The following MYH8 variants were observed in gnomAD, a reference collection of about 807,000 sequenced individuals.
The protein encoded by MYH8 is myosin-8.
Under a neutral mutation model 233.2 loss-of-function variants are expected in MYH8, and 168 were observed. The observed-to-expected ratio is 0.72, with a 90% CI of 0.64 to 0.82. The LOEUF is 0.82. MYH8 is among the 40% of genes least tolerant of loss of function. The pLI, the probability that MYH8 is intolerant of heterozygous loss-of-function variation, is 0.00. For synonymous variants in MYH8, 785 were observed against 850.6 expected, an observed-to-expected ratio of 0.92 and a Z score of 1.34; for missense variants, 1,995 against 2,327.8, an observed-to-expected ratio of 0.86 and a Z score of 2.94.
rs779508115 is a variant in MYH8 at position 10,390,411 on chromosome 17, T to C, written c.*43A>G. The C allele has an allele frequency of 1.3e-5, 21 of 1,611,744 alleles. No homozygotes were observed. In the South Asian group the frequency reaches 2.3e-4, roughly 18 times the overall value. On this transcript the variant is annotated 3_prime_UTR_variant, in exon 40 of 40. Transcript: ENST00000403437. ...AGCAAGTGACCAAAAATAGCACATTTTGTGCCTTTCTTCAGCCTCTTGATA... is the reference window on the plus strand; with the variant it reads ...AGCAAGTGACCAAAAATAGCACATTCTGTGCCTTTCTTCAGCCTCTTGATA...
At position 10,395,356 on chromosome 17, in the gene MYH8, G is replaced by A. The variant is rs1380744160; in HGVS notation, c.4739C>T (p.Ala1580Val). Residue 1580 changes from alanine (A) to valine (V), a missense_variant, in exon 34 of 40, where the codon GCA becomes GTA. By Grantham distance (64) the Ala-to-Val change is moderately conservative. This residue lies in a region of MYH8 where 1,498 missense variants were observed against 1,680.9 expected (regional missense o/e 0.89). Coordinates refer to ENST00000403437, the MANE Select transcript of MYH8 (RefSeq NM_002472.3). Reference sequence around the variant, plus strand: ...CTGGTCAATTTCCTCATCCTTTTCTGCGATTTTTCTATCAACTTCAGACTT... The same window carrying A: ...CTGGTCAATTTCCTCATCCTTTTCTACGATTTTTCTATCAACTTCAGACTT... Reference protein sequence around the residue: ...QVKSEVDRKIAEKDEEIDQLK... With the variant: ...QVKSEVDRKIVEKDEEIDQLK... The A allele has an allele frequency of 6.2e-7, 1 of 1,614,042 alleles. No homozygotes were observed. Among genetic ancestry groups the A allele is most frequent in the Non-Finnish European group, 8.5e-7 (1 of 1,179,978 alleles).
intron 37 of MYH8, 57 bp from the exon 38 acceptor site, chr17:10,392,703 G>C (rs2142166920): frequency 1.2e-6 from 2 of 1,613,158 alleles, no homozygotes; most frequent in South Asian, 2.2e-5. Context: ...ATTAGCCCAA[G>C]ACCTACTGAA....
chr17:10,405,960 A>G, intron 21 of MYH8, 81 bp downstream of exon 21: 2 of 1,549,686 alleles, frequency 1.3e-6, no homozygotes, highest in Admixed American at 3.3e-5. Flanking sequence ...TAGCCACCAA[A>G]TGAAAGAATT....
chr17:10,409,542 T>G lies in MYH8; in HGVS notation c.1634A>C (p.Lys545Thr). Residue 545 changes from lysine (K) to threonine (T), a missense_variant, in exon 16 of 40, where the codon AAG becomes ACG. Transcript: ENST00000403437. ...GTTCTTGAAGGAGGTGTCCGTTGCC[T>G]TAGGGAACATGCACTCCTCTTCCAG... ...SILEEECMFP[K>T]ATDTSFKNKL... 6.2e-7 allele frequency: 1 copy of G among 1,614,182 alleles called. No individual in the cohort carries two copies. Among genetic ancestry groups the G allele is most frequent in the Non-Finnish European group, 8.5e-7 (1 of 1,180,032 alleles).
chr17:10,396,747 C>T lies in MYH8; in HGVS notation c.4363-29G>A. Reference sequence around the variant, plus strand: ...AAAAGCAATAAATCATGAGTTGATCCAAGGAGAAAGGAAGACCGAGTAAAA... The same window carrying T: ...AAAAGCAATAAATCATGAGTTGATCTAAGGAGAAAGGAAGACCGAGTAAAA... On this transcript the variant is annotated intron_variant, in intron 31 of 39. Transcript: ENST00000403437. This position sits in a 1 kb window ranked among gnomAD's most constrained non-coding sequence, Gnocchi z 4.2. 6.2e-7 allele frequency: 1 copy of T among 1,614,106 alleles called. No homozygotes were observed. Among genetic ancestry groups the T allele is most frequent in the Non-Finnish European group, 8.5e-7 (1 of 1,180,032 alleles).
intron 17 of MYH8, among the ~76,000 whole-genome samples, chr17:10,408,121 A>G (rs1177696215): frequency 5.9e-5 from 9 of 151,530 alleles, no homozygotes; most frequent in African/African-American, 2.2e-4. Flanking sequence ...TTATATTCTT[A>G]GTAAAGATGG....
At position 10,419,089 on chromosome 17, in the gene MYH8, CT is replaced by C. The variant is rs1597406267; in HGVS notation, c.211-60del. 2 of 1,606,296 alleles carry C rather than the reference CT, an allele frequency of 1.2e-6. No individual in the cohort carries two copies. Among genetic ancestry groups the C allele is most frequent in the Non-Finnish European group, 1.7e-6 (2 of 1,174,442 alleles). ...TTTGTTTGTTTGAGATAGAGTTTTG[CT>C]TTTTTTGCCCAGGCTGGAGTGCAGT... On this transcript the variant is annotated intron_variant, in intron 3 of 39. Coordinates refer to ENST00000403437, the MANE Select transcript of MYH8 (RefSeq NM_002472.3). This position sits in a 1 kb window ranked among gnomAD's most constrained non-coding sequence, Gnocchi z 4.0.
In MYH8 at chr17:10,420,039, G is replaced by A. The variant is rs988656379; in HGVS notation, c.189C>T (p.Thr63=). ...TTACTGCTCCACCTTCAGTCTTTAC[G>A]GTTACTTTCCCTCCTTCTTTGCTTT... ...TIQSKEGGKV[T]VKTEGGATLT... The change falls in exon 3 of 40, where the codon ACC becomes ACT. Residue 63 remains threonine (T), a synonymous_variant. Transcript: ENST00000403437. The A allele has an allele frequency of 9.3e-6, 15 of 1,613,986 alleles. No individual in the cohort carries two copies. The highest frequency in any genetic ancestry group is 1.7e-5 in the Admixed American group (1 of 59,998).
intron 36 of MYH8, 24 bp from the exon 37 acceptor site, chr17:10,393,025 A>C (rs1315323365): frequency 6.2e-7 from 1 of 1,614,210 alleles, no homozygotes; most frequent in Admixed American, 1.7e-5. Context: ...AAATTAAGAA[A>C]GTAATGAAAC....
In MYH8 at chr17:10,419,177, C is replaced by CCTT; in HGVS notation, c.211-150_211-148dup. 2.0e-6 allele frequency: 2 copies of CCTT among 980,352 alleles called. No homozygotes were observed. Among genetic ancestry groups the CCTT allele is most frequent in the Non-Finnish European group, 3.1e-6 (2 of 635,218 alleles). 60.7% of individuals were successfully genotyped at this position (980,352 alleles called of 1,614,324 possible). On this transcript the variant is annotated intron_variant, in intron 3 of 39. Transcript: ENST00000403437. This position sits in a 1 kb window ranked among gnomAD's most constrained non-coding sequence, Gnocchi z 4.0. ...GCTTCAAGTGATTGTCCTGCCTCAG[C>CCTT]CTTCTGAGTAGCTGGGATTGCAAGT...
intron 22 of MYH8, 44 bp downstream of exon 22, chr17:10,404,286 A>G: frequency 6.2e-7 from 1 of 1,613,212 alleles, no homozygotes; most frequent in Non-Finnish European, 8.5e-7. Flanking sequence ...TGTGTTTCAA[A>G]AAAGCTTCAG....
chr17:10,400,448 T>C lies in MYH8; in HGVS notation c.3677A>G (p.Glu1226Gly). ...GAGGTCATCAGTCTCCATCTTCAGC[T>C]CACTCTTCTCCTTCTCCAGCTTCTG... is the stretch of plus-strand genomic sequence containing the variant. ...VKQKLEKEKS[E>G]LKMETDDLSS... Residue 1226 changes from glutamate to glycine, a missense_variant, in exon 27 of 40, where the codon GAG becomes GGG. Glu to Gly is a moderately conservative substitution (Grantham distance 98). This residue lies in a region of MYH8 where 1,498 missense variants were observed against 1,680.9 expected (regional missense o/e 0.89). Coordinates refer to ENST00000403437, the MANE Select transcript of MYH8 (RefSeq NM_002472.3). The surrounding 1 kb of genome is among the most constrained non-coding windows in gnomAD (Gnocchi z 4.0). 2 of 1,614,006 alleles carry C rather than the reference T, an allele frequency of 1.2e-6. No individual in the cohort carries two copies. The highest frequency in any genetic ancestry group is 8.5e-7 in the Non-Finnish European group (1 of 1,179,934).
In MYH8 at chr17:10,417,631, G is replaced by A. The variant is rs2072300455; in HGVS notation, c.511+1014C>T. Reference sequence around the variant, plus strand: ...GGGGAGCGGGGGGCTTGCTGAGTGGGAGGACAGGGGTGGTGTACATAGCTG... The same window carrying A: ...GGGGAGCGGGGGGCTTGCTGAGTGGAAGGACAGGGGTGGTGTACATAGCTG... On this transcript the variant is annotated intron_variant, in intron 5 of 39. Transcript: ENST00000403437. The surrounding 1 kb of genome is among the most constrained non-coding windows in gnomAD (Gnocchi z 4.1). Among the ~76,000 whole-genome samples, 1 of 152,200 alleles carries A rather than the reference G, an allele frequency of 6.6e-6. No individual in the cohort carries two copies. The highest frequency in any genetic ancestry group is 2.4e-5 in the African/African-American group (1 of 41,448).
At chr17:10,401,493 T>G in intron 23 of MYH8, 42 bp from the exon 24 acceptor site, 1 of 1,614,114 alleles carries the variant, frequency 6.2e-7, no homozygotes, top group South Asian at 1.1e-5. Context: ...TATAAAGCAA[T>G]TTAGTTGGTG....
chr17:10,397,889 T>G (rs1567682677), intron 30 of MYH8, among the ~76,000 whole-genome samples: 1 of 152,134 alleles, frequency 6.6e-6, no homozygotes, highest in African/African-American at 2.4e-5. Context: ...CAAAGGCAGG[T>G]TTTTTTTCCC....
intron 39 of MYH8, among the ~76,000 whole-genome samples, chr17:10,391,615 G>A (rs868028092): frequency 6.6e-6 from 1 of 152,112 alleles, no homozygotes; most frequent in African/African-American, 2.4e-5. Context: ...GGGAGGCAGA[G>A]GTTGCAGTGA....
chr17:10,393,276 C>T, intron 35 of MYH8, 66 bp from the exon 36 acceptor site: 1 of 1,595,420 alleles, frequency 6.3e-7, no homozygotes, highest in Non-Finnish European at 8.6e-7. Context: ...TTACAAGTGT[C>T]TTACTTGTTG....
intron 28 of MYH8, 105 bp downstream of exon 28, chr17:10,399,438 C>G: frequency 1.3e-6 from 2 of 1,587,608 alleles, no homozygotes; most frequent in Non-Finnish European, 1.7e-6. Flanking sequence ...AAACTCTGAT[C>G]ATTTGTTTAT....
rs1413788831 is a variant in MYH8, at chr17:10,396,192, C to T, written c.4653+138G>A. 5.9e-6 allele frequency: 6 copies of T among 1,022,170 alleles called. No homozygotes were observed. Among genetic ancestry groups the T allele is most frequent in the Non-Finnish European group, 4.3e-6 (3 of 694,528 alleles). The allele number at this position is 1,022,170 out of a possible 1,614,324, so 63.3% of individuals were successfully genotyped here. A position where few individuals can be genotyped will look rare whatever the true frequency, so the allele number is the denominator to read the frequency against. On this transcript the variant is annotated intron_variant, in intron 33 of 39. Transcript: ENST00000403437. This position sits in a 1 kb window ranked among gnomAD's most constrained non-coding sequence, Gnocchi z 4.2. The stretch of plus-strand genomic sequence containing the variant: ...TAGAATTGATAGGTCAGAGTATTTA[C>T]ATTTTTAAGGATTTTGATAACTATT...
Sources: gnomAD v4.1 joint callset for allele counts (sites outside exome capture counted in the v4.1 genomes callset) on GRCh38, gnomAD v4.1.1 for gene constraint, gnomAD v4.1.1 regional missense constraint, Gnocchi (gnomAD v3.1) non-coding constraint, MANE v1.5 for transcripts, NCBI Gene and HGNC (gene_info 2026-07-23, HGNC 2026-07-21) for gene names.